CTNND2: variants seen among roughly 807,000 people sequenced by gnomAD.
CTNND2 encodes the protein catenin delta-2.
A neutral mutation model predicts 144.4 loss-of-function variants in CTNND2; 22 were observed. The ratio of observed to expected loss-of-function variants is 0.15; its 90% CI spans 0.11 to 0.22. The LOEUF is 0.22. Ranked by LOEUF, CTNND2 falls within the 10% of genes least tolerant of loss-of-function variation. The pLI is 1.00. For synonymous variants in CTNND2, 751 were observed against 695.6 expected (o/e 1.08, Z -1.25); for missense variants, 1,353 against 1,618.8 (o/e 0.84, Z 2.82).
chr5:11,746,901 CATAA>C (rs1480591272), intron 1 of CTNND2, among the ~76,000 whole-genome samples: 1 of 152,076 alleles, frequency 6.6e-6, no homozygotes, highest in African/African-American at 2.4e-5. Flanking sequence ...GGTTTACAAA[CATAA>C]ATATTCAATA....
In CTNND2 at chr5:11,129,028, A is replaced by T. The variant is rs1371998792; in HGVS notation, c.2160-11461T>A. 2.9e-4 allele frequency among the ~76,000 whole-genome samples: 7 copies of T among 23,938 alleles called. 1 individual carries two copies. Among genetic ancestry groups the T allele is most frequent in the African/African-American group, 7.2e-4 (6 of 8,348 alleles). 15.7% of individuals were successfully genotyped at this position (23,938 alleles called of 152,430 possible). A position where few individuals can be genotyped will look rare whatever the true frequency, so the allele number is the denominator to read the frequency against. ...AAATATATATTATATATAAATAAAA[A>T]ATATAAATATATATTATATATAAAT... On this transcript the variant is annotated intron_variant, in intron 12 of 21. Coordinates refer to ENST00000304623, the MANE Select transcript of CTNND2 (RefSeq NM_001332.4).
chr5:11,276,208 T>C (rs928037489), intron 9 of CTNND2, among the ~76,000 whole-genome samples: 2 of 152,210 alleles, frequency 1.3e-5, no homozygotes, highest in Admixed American at 6.5e-5. Context: ...GGCTTGAAGA[T>C]GGTGGCCACT....
chr5:11,778,949 C>T (rs1420451057), intron 1 of CTNND2, among the ~76,000 whole-genome samples: 1 of 152,124 alleles, frequency 6.6e-6, no homozygotes, highest in Admixed American at 6.5e-5. Context: ...TTTTAAAAAT[C>T]CCCCAAAATC....
chr5:11,022,918 AGTG>A lies in CTNND2; in HGVS notation c.2847_2849del (p.Thr950del), dbSNP rs1431497397. On this transcript the variant is annotated inframe_deletion, in exon 17 of 22. Transcript: ENST00000304623. ...TGTCATCCGACATGGCCTTGCTTGCAGTGTTGTTGCTGTTGTTCCCTCCTGGAA... is the reference window on the plus strand; with the variant it reads ...TGTCATCCGACATGGCCTTGCTTGCATTGTTGCTGTTGTTCCCTCCTGGAA... The A allele has an allele frequency of 2.5e-6, 4 of 1,614,032 alleles. No individual in the cohort carries two copies. The African/African-American group carries it at 5.3e-5, about 22-fold the overall frequency.
chr5:11,407,399 T>C (rs1761182451), intron 5 of CTNND2, among the ~76,000 whole-genome samples: 1 of 152,094 alleles, frequency 6.6e-6, no homozygotes, highest in South Asian at 2.1e-4. Flanking sequence ...ATTGCACTGT[T>C]AAAAATACAC....
intron 9 of CTNND2, among the ~76,000 whole-genome samples, chr5:11,278,658 G>A (rs1470275749): frequency 2.6e-5 from 4 of 152,160 alleles, no homozygotes; most frequent in African/African-American, 9.7e-5. Context: ...CACTTAGTAA[G>A]CTCAGGATAC....
At chr5:11,577,905 C>T (rs189190642) in intron 2 of CTNND2, among the ~76,000 whole-genome samples, 11 of 152,228 alleles carry the variant, frequency 7.2e-5, no homozygotes, top group Admixed American at 5.2e-4. Flanking sequence ...ATGGATCTTG[C>T]ACTATATTGC....
chr5:11,646,810 C>T (rs1416209723), intron 2 of CTNND2, among the ~76,000 whole-genome samples: 2 of 152,148 alleles, frequency 1.3e-5, no homozygotes, highest in African/African-American at 2.4e-5. Flanking sequence ...GTCTGCAGAT[C>T]GTGAGTTTCC....
rs536439918 is a variant in CTNND2 at position 11,051,259 on chromosome 5, C to T, written c.2789-28280G>A. ...GGGTACCTATGAAGCTTAGATCATG[C>T]AGAGAGATATGAGTTAACCAAAATA... On this transcript the variant is annotated intron_variant, in intron 16 of 21. Transcript: ENST00000304623. Among the ~76,000 whole-genome samples, 3 of 152,264 alleles carry T rather than the reference C, an allele frequency of 2.0e-5. No individual in the cohort carries two copies. The East Asian group carries it at 5.8e-4, about 29-fold the overall frequency.
chr5:11,848,340 T>G (rs1794845512), intron 1 of CTNND2, among the ~76,000 whole-genome samples: 1 of 151,988 alleles, frequency 6.6e-6, no homozygotes, highest in African/African-American at 2.4e-5. Flanking sequence ...GTCCTTAAGT[T>G]TGCAGAAACT....
chr5:11,221,185 A>G (rs1739756288), intron 10 of CTNND2, among the ~76,000 whole-genome samples: 1 of 152,234 alleles, frequency 6.6e-6, no homozygotes, highest in African/African-American at 2.4e-5. Flanking sequence ...GTAATGCTGA[A>G]GTGCATCTAA....
chr5:11,212,783 C>T (rs1429481431), intron 10 of CTNND2, among the ~76,000 whole-genome samples: 1 of 152,144 alleles, frequency 6.6e-6, no homozygotes. Context: ...CGGTAAGGGC[C>T]TGGGCCTGGG....
intron 8 of CTNND2, among the ~76,000 whole-genome samples, chr5:11,353,632 G>A (rs1468884769): frequency 5.3e-5 from 8 of 152,050 alleles, no homozygotes; most frequent in African/African-American, 1.7e-4. Flanking sequence ...GAGAAACCCC[G>A]TCTCTACTAA....
chr5:11,809,354 T>C (rs918635274), intron 1 of CTNND2, among the ~76,000 whole-genome samples: 3 of 152,210 alleles, frequency 2.0e-5, no homozygotes, highest in Non-Finnish European at 2.9e-5. Flanking sequence ...TCTAAAAGCA[T>C]ATGCATGTAG....
At chr5:11,077,549 G>T (rs1749077519) in intron 16 of CTNND2, among the ~76,000 whole-genome samples, 1 of 152,178 alleles carries the variant, frequency 6.6e-6, no homozygotes, top group Non-Finnish European at 1.5e-5. Context: ...GACTAGGTGG[G>T]GTTGGAGAGG....
chr5:11,765,233 A>G (rs965656502), intron 1 of CTNND2, among the ~76,000 whole-genome samples: 2 of 152,212 alleles, frequency 1.3e-5, no homozygotes, highest in African/African-American at 2.4e-5. Context: ...TAAAATGGTT[A>G]GACTGGGATG....
At chr5:11,683,877 A>G (rs1300605698) in intron 2 of CTNND2, among the ~76,000 whole-genome samples, 1 of 152,198 alleles carries the variant, frequency 6.6e-6, no homozygotes, top group Non-Finnish European at 1.5e-5. Flanking sequence ...AGCGCTGCCC[A>G]TGTTTCATTT....
intron 2 of CTNND2, among the ~76,000 whole-genome samples, chr5:11,641,752 A>C (rs1480209627): frequency 8.3e-6 from 1 of 119,858 alleles, no homozygotes; most frequent in Admixed American, 8.1e-5. Context: ...ATACGTGTGT[A>C]TGTACATACA....
Position 11,159,590 on chromosome 5 carries a change from G to A in CTNND2, c.2145C>T (p.Ala715=). Residue 715 remains alanine (A), a synonymous_variant, in exon 12 of 22, where the codon GCC becomes GCT. Transcript: ENST00000304623. The part of the protein sequence containing the change: ...QLHSSQVLRN[A]TGCLRNVSSA... ...ACAGGACTGACCTTAGGCACCCGGT[G>A]GCGTTACGCAGCACCTGTGATGAAT... 1 of 1,611,000 alleles carries A rather than the reference G, an allele frequency of 6.2e-7. No individual in the cohort carries two copies. Among genetic ancestry groups the A allele is most frequent in the South Asian group, 1.1e-5 (1 of 90,274 alleles).
Sources: gnomAD v4.1 joint callset for allele counts (sites outside exome capture counted in the v4.1 genomes callset) on GRCh38, gnomAD v4.1.1 for gene constraint, MANE v1.5 for transcripts, NCBI Gene and HGNC (gene_info 2026-07-23, HGNC 2026-07-21) for gene names.